Variants in FAM53B observed in about 807,000 individuals in gnomAD.
FAM53B encodes protein FAM53B.
In FAM53B, 12 loss-of-function variants were observed where a neutral mutation model predicts 32.7. The observed-to-expected ratio is 0.37, with a 90% CI of 0.24 to 0.59. The LOEUF (loss-of-function observed/expected upper bound fraction) is 0.59. Ranked by LOEUF, FAM53B falls within the 20% of genes least tolerant of loss-of-function variation. FAM53B has a pLI of 0.72. For synonymous variants in FAM53B, 234 were observed against 228.7 expected (o/e 1.02, Z -0.21); for missense variants, 477 against 577.7 (o/e 0.83, Z 1.79).
intron 1 of FAM53B, among the ~76,000 whole-genome samples, chr10:124,715,161 A>G (rs1465740349): frequency 6.6e-6 from 1 of 152,252 alleles, no homozygotes; most frequent in South Asian, 2.1e-4. Context: ...TGCAATACAC[A>G]CACTCTCTAA....
rs1949296671 is a variant in FAM53B, at chr10:124,620,063, C to G, written c.*3179G>C. 1 of 152,490 alleles carries G rather than the reference C, an allele frequency of 6.6e-6. No individual in the cohort carries two copies. Among genetic ancestry groups the G allele is most frequent in the Non-Finnish European group, 1.5e-5 (1 of 68,050 alleles). The allele number at this position is 152,490 out of a possible 1,614,324, so 9.4% of individuals were successfully genotyped here. ...TTTGTTTTCTTTTTAATGTGGACTT[C>G]CCCTTTATTTAAATTTTCTTTCAGT... On this transcript the variant is annotated 3_prime_UTR_variant, in exon 5 of 5. Coordinates refer to ENST00000337318, the MANE Select transcript of FAM53B (RefSeq NM_014661.4).
chr10:124,717,493 T>C lies in FAM53B; in HGVS notation c.-174-10606A>G, dbSNP rs186690823. 1.2e-3 allele frequency among the ~76,000 whole-genome samples: 183 copies of C among 152,340 alleles called. 6 individuals carry two copies. The South Asian group carries it at 0.035, about 29-fold the overall frequency. ...CTCAGACCTGACCTGCAGTTCAAGG[T>C]CCCAGGAAACTGGACAAAGGCAAAG... is the stretch of plus-strand genomic sequence containing the variant. On this transcript the variant is annotated intron_variant, in intron 1 of 4. Coordinates refer to ENST00000337318, the MANE Select transcript of FAM53B (RefSeq NM_014661.4).
At chr10:124,670,473 C>T (rs924947160) in intron 4 of FAM53B, among the ~76,000 whole-genome samples, 2 of 152,126 alleles carry the variant, frequency 1.3e-5, no homozygotes, top group South Asian at 4.1e-4. Context: ...CAAGGCCAAC[C>T]GTGATGGCCC....
intron 4 of FAM53B, among the ~76,000 whole-genome samples, chr10:124,643,621 C>T (rs1435467168): frequency 6.6e-6 from 1 of 152,264 alleles, no homozygotes; most frequent in Non-Finnish European, 1.5e-5. Flanking sequence ...CTCTTGTTTT[C>T]ATTCCTACAG....
chr10:124,631,746 C>A (rs1234036895), intron 4 of FAM53B, among the ~76,000 whole-genome samples: 1 of 152,200 alleles, frequency 6.6e-6, no homozygotes, highest in Non-Finnish European at 1.5e-5. Flanking sequence ...GCCACATAAA[C>A]CCCCTCTGCA....
At chr10:124,670,291 C>T (rs943671657) in intron 4 of FAM53B, among the ~76,000 whole-genome samples, 5 of 152,162 alleles carry the variant, frequency 3.3e-5, no homozygotes, top group African/African-American at 9.7e-5. Flanking sequence ...GCCGTGACCT[C>T]CTTGAACCGG....
At chr10:124,699,927 C>A (rs892259394) in intron 2 of FAM53B, among the ~76,000 whole-genome samples, 13 of 152,238 alleles carry the variant, frequency 8.5e-5, no homozygotes, top group African/African-American at 2.7e-4. Context: ...TCCAGCCCTG[C>A]GAGCTCGCCC....
chr10:124,626,629 T>G (rs1393454161), intron 4 of FAM53B, among the ~76,000 whole-genome samples: 1 of 152,228 alleles, frequency 6.6e-6, no homozygotes, highest in Non-Finnish European at 1.5e-5. Context: ...AAGAAATACA[T>G]TTCTGCGGTT....
intron 4 of FAM53B, among the ~76,000 whole-genome samples, chr10:124,660,419 A>AC (rs1949623376): frequency 6.6e-6 from 1 of 152,176 alleles, no homozygotes; most frequent in African/African-American, 2.4e-5. Flanking sequence ...TAAAAATTAC[A>AC]CTTTTGTGCA....
intron 4 of FAM53B, among the ~76,000 whole-genome samples, chr10:124,626,574 C>T (rs1216891283): frequency 6.6e-6 from 1 of 152,170 alleles, no homozygotes; most frequent in Non-Finnish European, 1.5e-5. Flanking sequence ...TCACAAGACC[C>T]CGATCCTGTT....
chr10:124,689,837 T>A (rs12772609), intron 3 of FAM53B, among the ~76,000 whole-genome samples: 1,987 of 152,336 alleles, frequency 0.013, 21 homozygotes, highest in Non-Finnish European at 0.021. Context: ...AAGAGGGGCC[T>A]CAATCTCACC....
chr10:124,637,835 T>C (rs576867204), intron 4 of FAM53B, among the ~76,000 whole-genome samples: 34 of 152,282 alleles, frequency 2.2e-4, no homozygotes, highest in African/African-American at 8.2e-4. Flanking sequence ...TTCCTGCCAT[T>C]GCATAGCCCA....
intron 3 of FAM53B, among the ~76,000 whole-genome samples, chr10:124,689,127 T>C (rs1419081579): frequency 2.6e-5 from 4 of 152,206 alleles, no homozygotes; most frequent in African/African-American, 4.8e-5. Context: ...GGTTGGGTTG[T>C]GCTAACTTGG....
At chr10:124,667,689 G>A (rs1290794590) in intron 4 of FAM53B, among the ~76,000 whole-genome samples, 1 of 152,198 alleles carries the variant, frequency 6.6e-6, no homozygotes, top group Non-Finnish European at 1.5e-5. Context: ...GCAGAGGGCT[G>A]CTCTCTCCCT....
chr10:124,742,183 G>A (rs776314706), intron 1 of FAM53B, among the ~76,000 whole-genome samples: 1 of 152,210 alleles, frequency 6.6e-6, no homozygotes, highest in Non-Finnish European at 1.5e-5. Flanking sequence ...CAGGTCGCAT[G>A]ATGGGTGACA....
intron 4 of FAM53B, among the ~76,000 whole-genome samples, chr10:124,677,669 T>C (rs10901804): frequency 0.089 from 13,514 of 152,314 alleles, 763 homozygotes; most frequent in East Asian, 0.14. Context: ...CCTGCTCTCT[T>C]GGCACTGGGG....
chr10:124,623,239 C>G lies in FAM53B; in HGVS notation c.*3G>C, dbSNP rs746665454. ...CCCCAGCCCTGCCTGGGCCCACACC[C>G]CCTCAGTTCTTCTCTATCTGCTCAA... On this transcript the variant is annotated 3_prime_UTR_variant, in exon 5 of 5. Transcript: ENST00000337318. 3.8e-5 allele frequency: 60 copies of G among 1,585,298 alleles called. 1 individual carries two copies. The East Asian group carries it at 1.3e-3, about 36-fold the overall frequency.
chr10:124,688,212 T>C (rs1194548295), intron 3 of FAM53B, among the ~76,000 whole-genome samples: 1 of 152,146 alleles, frequency 6.6e-6, no homozygotes, highest in East Asian at 1.9e-4. Context: ...AGCTGTGTCC[T>C]AAAGATACGC....
intron 4 of FAM53B, among the ~76,000 whole-genome samples, chr10:124,648,575 C>T (rs975654981): frequency 2.0e-5 from 3 of 152,262 alleles, no homozygotes; most frequent in East Asian, 3.8e-4. Flanking sequence ...TGGGGCTTCA[C>T]GAGGGAGAAC....
Sources: allele counts gnomAD v4.1 joint callset (sites outside exome capture counted in the v4.1 genomes callset), GRCh38; gene constraint gnomAD v4.1.1; transcripts MANE v1.5; gene names NCBI Gene and HGNC (gene_info 2026-07-23, HGNC 2026-07-21).